Variants in CEP20 observed in about 807,000 individuals in gnomAD.
CEP20 encodes the protein FGFR1OP N-terminal like.
CEP20 carries 18 observed loss-of-function variants against 20.0 expected under a neutral mutation model. That is an observed-to-expected ratio of 0.90 (90% confidence interval 0.62 to 1.34). The LOEUF is 1.34. Ranked by LOEUF, CEP20 falls within the 40% of genes most tolerant of loss-of-function variation. CEP20 has a pLI of 0.00. For synonymous variants in CEP20, 77 were observed against 73.7 expected (o/e 1.04, Z -0.23); for missense variants, 215 against 201.6 (o/e 1.07, Z -0.40).
rs1296166990 is a variant in CEP20 at position 15,867,406 on chromosome 16, C to T, written c.*34G>A. ...TAAATAAGTTATTTAATTAATAATA[C>T]AATTTTAAGACAAAAGATACCCCAA... On this transcript the variant is annotated 3_prime_UTR_variant, in exon 5 of 5. Coordinates refer to ENST00000255759, the MANE Select transcript of CEP20 (RefSeq NM_144600.4). 1 of 1,496,258 alleles carries T rather than the reference C, an allele frequency of 6.7e-7. No individual in the cohort carries two copies. The highest frequency in any genetic ancestry group is 9.1e-7 in the Non-Finnish European group (1 of 1,100,924). The allele number at this position is 1,496,258 out of a possible 1,614,324, so 92.7% of individuals were successfully genotyped here.
chr16:15,872,472 G>A (rs1367853441), intron 4 of CEP20, among the ~76,000 whole-genome samples: 2 of 152,148 alleles, frequency 1.3e-5, no homozygotes, highest in East Asian at 3.9e-4. Flanking sequence ...CACTCTGAGA[G>A]GCTGAGGTGG....
rs1567239582 is a variant in CEP20 at position 15,879,873 on chromosome 16, A to G, written c.242T>C (p.Val81Ala). ...SVLIAESGQP[V>A]VPLDRQFLIH... is the part of the protein sequence containing the mutation. ...GAGAAACTGTCTGTCCAACGGAACT[A>G]CAGGTTGACCAGATTCTGGGAGAAA... is the stretch of plus-strand genomic sequence containing the variant. The change falls in exon 3 of 5, where the codon GTA (valine) becomes GCA (alanine). Residue 81 changes from valine (V) to alanine (A), a missense_variant. Coordinates refer to ENST00000255759, the MANE Select transcript of CEP20 (RefSeq NM_144600.4). 2 of 1,583,810 alleles carry G rather than the reference A, an allele frequency of 1.3e-6. No individual in the cohort carries two copies. Among genetic ancestry groups the G allele is most frequent in the East Asian group, 2.3e-5 (1 of 43,308 alleles).
At position 15,884,182 on chromosome 16, in the gene CEP20, T is replaced by G. The variant is rs760000554; in HGVS notation, c.52A>C (p.Lys18Gln). 6 of 1,611,174 alleles carry G rather than the reference T, an allele frequency of 3.7e-6. No homozygotes were observed. In the South Asian group the frequency reaches 6.6e-5, roughly 18 times the overall value. ...KAVLKDTLEK[K>Q]GVLGHLKARI... ...GCTTTTAAATGCCCTAATACCCCCTTTTTTTCCAAGGTGTCCTTTAAAACT... is the reference window on the plus strand; with the variant it reads ...GCTTTTAAATGCCCTAATACCCCCTGTTTTTCCAAGGTGTCCTTTAAAACT... Residue 18 changes from lysine to glutamine, a missense_variant, in exon 2 of 5, where the codon AAG becomes CAG. Lys to Gln is a moderately conservative substitution (Grantham distance 53, BLOSUM62 1). Transcript: ENST00000255759.
At chr16:15,874,221 T>C (rs2044889923) in intron 3 of CEP20, among the ~76,000 whole-genome samples, 1 of 152,226 alleles carries the variant, frequency 6.6e-6, no homozygotes, top group African/African-American at 2.4e-5. Context: ...TTTTTTACTG[T>C]GCCTGGCACA....
rs2044699375 is a variant in CEP20 at position 15,867,139 on chromosome 16, C to T, written c.*301G>A. The T allele has an allele frequency of 5.1e-6, 1 of 195,030 alleles. No individual in the cohort carries two copies. The highest frequency in any genetic ancestry group is 1.3e-4 in the East Asian group (1 of 7,752). The allele number at this position is 195,030 out of a possible 1,614,324, so 12.1% of individuals were successfully genotyped here. A position where few individuals can be genotyped will look rare whatever the true frequency, so the allele number is the denominator to read the frequency against. ...AGGAGAATCACTTGAATCCGGGAGG[C>T]AGAGATTGCAGTGAGCCGAGATCGT... On this transcript the variant is annotated 3_prime_UTR_variant, in exon 5 of 5. Coordinates refer to ENST00000255759, the MANE Select transcript of CEP20 (RefSeq NM_144600.4).
At chr16:15,879,782 C>T in intron 3 of CEP20, 22 bp downstream of exon 3, 2 of 1,429,040 alleles carry the variant, frequency 1.4e-6, no homozygotes, top group South Asian at 1.2e-5. Flanking sequence ...TATGTGGAAA[C>T]TTCTTTAAAA....
At chr16:15,887,226 T>C (rs190787166) in intron 1 of CEP20, among the ~76,000 whole-genome samples, 3 of 152,262 alleles carry the variant, frequency 2.0e-5, no homozygotes, top group Admixed American at 6.5e-5. Flanking sequence ...TCTGAAAATG[T>C]ATGCAATATT....
intron 4 of CEP20, among the ~76,000 whole-genome samples, chr16:15,870,216 T>C (rs1472206703): frequency 6.6e-6 from 1 of 152,232 alleles, no homozygotes; most frequent in Admixed American, 6.5e-5. Context: ...AGGCTGATTA[T>C]GAAACTTACA....
chr16:15,873,729 A>G (rs1159278624), intron 3 of CEP20, 102 bp from the exon 4 acceptor site: 1 of 1,300,140 alleles, frequency 7.7e-7, no homozygotes, highest in African/African-American at 1.5e-5. Flanking sequence ...TCTGACATCA[A>G]AAAGACCAAG....
intron 3 of CEP20, among the ~76,000 whole-genome samples, chr16:15,878,930 G>A (rs537596381): frequency 9.2e-4 from 140 of 151,818 alleles, no homozygotes; most frequent in South Asian, 3.5e-3. Flanking sequence ...GAACTTTTAG[G>A]ATGAGAAAAC....
chr16:15,887,881 G>A (rs1471307710), intron 1 of CEP20, among the ~76,000 whole-genome samples: 2 of 151,876 alleles, frequency 1.3e-5, no homozygotes, highest in Non-Finnish European at 2.9e-5. Context: ...GATAGCTTGA[G>A]ACCAGGAGTT....
intron 3 of CEP20, 24 bp from the exon 4 acceptor site, chr16:15,873,651 A>C (rs757647366): frequency 2.5e-6 from 4 of 1,593,656 alleles, no homozygotes; most frequent in Non-Finnish European, 2.6e-6. Flanking sequence ...AAAACAAAAC[A>C]AAACCAAAAG....
chr16:15,879,765 A>T, intron 3 of CEP20, 39 bp downstream of exon 3: 1 of 1,182,270 alleles, frequency 8.5e-7, no homozygotes, highest in Non-Finnish European at 1.2e-6. Flanking sequence ...ATTATGACTC[A>T]ATACAATATG....
At chr16:15,886,493 G>C (rs76085499) in intron 1 of CEP20, among the ~76,000 whole-genome samples, 1 of 152,178 alleles carries the variant, frequency 6.6e-6, no homozygotes, top group South Asian at 2.1e-4. Context: ...TTTGTCACTG[G>C]CAAGGATCCT....
At chr16:15,874,710 A>G (rs1310400761) in intron 3 of CEP20, among the ~76,000 whole-genome samples, 2 of 152,166 alleles carry the variant, frequency 1.3e-5, no homozygotes, top group Non-Finnish European at 2.9e-5. Context: ...GTATCTATTT[A>G]CTAGCTGGTA....
chr16:15,872,139 C>G (rs984877553), intron 4 of CEP20, among the ~76,000 whole-genome samples: 1 of 151,966 alleles, frequency 6.6e-6, no homozygotes, highest in Non-Finnish European at 1.5e-5. Context: ...ACAGGGAAAC[C>G]CTGTCTCCAC....
rs1202046054 is a variant in CEP20, at chr16:15,867,523, T to G, written c.449-7A>C. On this transcript the variant is annotated splice_region_variant and splice_polypyrimidine_tract_variant and intron_variant, in intron 4 of 4. Transcript: ENST00000255759. ...TCCTTTCTTAGGTGGTCATCTGAAA[T>G]GCACAGAAACCAATGTTAATACTTA... is the stretch of plus-strand genomic sequence containing the variant. 1.3e-6 allele frequency: 2 copies of G among 1,594,244 alleles called. No homozygotes were observed. Among genetic ancestry groups the G allele is most frequent in the South Asian group, 2.3e-5 (2 of 88,484 alleles).
intron 4 of CEP20, among the ~76,000 whole-genome samples, chr16:15,872,089 C>T (rs1419979676): frequency 6.6e-6 from 1 of 151,994 alleles, no homozygotes. Context: ...CCAAGGTGGG[C>T]GGATCATGAG....
At chr16:15,877,564 G>A (rs1002848194) in intron 3 of CEP20, among the ~76,000 whole-genome samples, 1 of 152,122 alleles carries the variant, frequency 6.6e-6, no homozygotes, top group Non-Finnish European at 1.5e-5. Context: ...CTGAGGAATT[G>A]GAGACCAGCC....
Sources: allele counts gnomAD v4.1 joint callset (sites outside exome capture counted in the v4.1 genomes callset), GRCh38; gene constraint gnomAD v4.1.1; transcripts MANE v1.5; gene names NCBI Gene and HGNC (gene_info 2026-07-23, HGNC 2026-07-21).